Variants in CCNB2 observed in about 807,000 individuals in gnomAD.
The protein encoded by CCNB2 is cyclin B2, also known as G2/mitotic-specific cyclin-B2.
Under a neutral mutation model 51.1 loss-of-function variants are expected in CCNB2, and 39 were observed. That is an observed-to-expected ratio of 0.76 (90% CI 0.59 to 1.00). The LOEUF (loss-of-function observed/expected upper bound fraction) is 1.00. CCNB2 is among the 50% of genes least tolerant of loss of function. The pLI, the probability that CCNB2 is intolerant of heterozygous loss-of-function variation, is 0.00. For synonymous variants in CCNB2, 174 were observed against 165.5 expected, an observed-to-expected ratio of 1.05 and a Z score of -0.40; for missense variants, 472 against 470.3, an observed-to-expected ratio of 1.00 and a Z score of -0.03.
chr15:59,119,642 A>G (rs1218222488), intron 7 of CCNB2, among the ~76,000 whole-genome samples: 3 of 152,180 alleles, frequency 2.0e-5, no homozygotes, highest in Non-Finnish European at 4.4e-5. Flanking sequence ...GTATTGTAGG[A>G]TAAAACAAAT....
At chr15:59,115,769 T>TGCC (rs1413365531) in intron 5 of CCNB2, 1 of 152,206 alleles carries the variant, frequency 6.6e-6, no homozygotes, top group Admixed American at 6.5e-5. Context: ...ATTCTGTTGT[T>TGCC]GCCCACGCTG....
chr15:59,109,046 G>A (rs961883138), intron 3 of CCNB2, among the ~76,000 whole-genome samples: 8 of 152,122 alleles, frequency 5.3e-5, no homozygotes, highest in African/African-American at 1.4e-4. Flanking sequence ...CGATTTGGCA[G>A]TATATGTATA....
chr15:59,109,870 C>T (rs1439644727), intron 3 of CCNB2, among the ~76,000 whole-genome samples: 43 of 152,210 alleles, frequency 2.8e-4, no homozygotes, highest in African/African-American at 1.0e-3. Flanking sequence ...CCTGTAGTCC[C>T]AGCTACTTGG....
At position 59,116,740 on chromosome 15, in the gene CCNB2, G is replaced by A; in HGVS notation, c.648G>A (p.Leu216=). Residue 216 remains leucine (L), a synonymous_variant, in exon 6 of 9, where the codon CTG becomes CTA. Coordinates refer to ENST00000288207, the MANE Select transcript of CCNB2 (RefSeq NM_004701.4). ...TTCAATTAGTTGGGATTACTGCTCTGCTCTTGGCTTCCAAGTATGAGGAGA... is the reference window on the plus strand; with the variant it reads ...TTCAATTAGTTGGGATTACTGCTCTACTCTTGGCTTCCAAGTATGAGGAGA... ...KKLQLVGITA[L]LLASKYEEMF... The A allele has an allele frequency of 6.2e-7, 1 of 1,613,032 alleles. No homozygotes were observed. Among genetic ancestry groups the A allele is most frequent in the Non-Finnish European group, 8.5e-7 (1 of 1,180,014 alleles).
In CCNB2 at chr15:59,117,190, A is replaced by G. The variant is rs368038064; in HGVS notation, c.835-38A>G. The stretch of plus-strand genomic sequence containing the variant: ...CAGAATTTTGCAAGACAGTAATTAC[A>G]CTTGTGATTCTTACTATCCCTTGCT... On this transcript the variant is annotated intron_variant, in intron 6 of 8. Coordinates refer to ENST00000288207, the MANE Select transcript of CCNB2 (RefSeq NM_004701.4). 13 of 1,598,990 alleles carry G rather than the reference A, an allele frequency of 8.1e-6. No homozygotes were observed. In the African/African-American group the frequency reaches 1.7e-4, roughly 21 times the overall value.
intron 7 of CCNB2, among the ~76,000 whole-genome samples, chr15:59,118,624 C>T (rs539085188): frequency 6.6e-6 from 1 of 152,346 alleles, no homozygotes; most frequent in East Asian, 1.9e-4. Flanking sequence ...ACAAAAGTTG[C>T]TTTGAGCCAA....
At chr15:59,105,992 C>G (rs1206178690) in intron 1 of CCNB2, among the ~76,000 whole-genome samples, 1 of 152,170 alleles carries the variant, frequency 6.6e-6, no homozygotes, top group Non-Finnish European at 1.5e-5. Context: ...TTGCAGAGAT[C>G]AAAGTGTTAT....
chr15:59,122,542 T>C (rs2079307506), intron 7 of CCNB2, among the ~76,000 whole-genome samples: 1 of 149,442 alleles, frequency 6.7e-6, no homozygotes, highest in African/African-American at 2.5e-5. Context: ...TTTTTCTTTT[T>C]TTTTCTTTTT....
intron 5 of CCNB2, among the ~76,000 whole-genome samples, chr15:59,115,181 C>T (rs2079274012): frequency 6.6e-6 from 1 of 152,086 alleles, no homozygotes; most frequent in African/African-American, 2.4e-5. Flanking sequence ...CCATCTGAAG[C>T]CTGTAGTGCC....
chr15:59,123,547 A>G lies in CCNB2; in HGVS notation c.1006A>G (p.Thr336Ala). 6 of 1,613,174 alleles carry G rather than the reference A, an allele frequency of 3.7e-6. No individual in the cohort carries two copies. The highest frequency in any genetic ancestry group is 5.1e-6 in the Non-Finnish European group (6 of 1,179,148). ...AAAGCAGCAGTATTACACAGGATAC[A>G]CAGAGAATGAAGTATTGGAAGTCAT... ...NLKQQYYTGY[T>A]ENEVLEVMQH... Residue 336 changes from threonine to alanine, a missense_variant, in exon 8 of 9, where the codon ACA becomes GCA. Physicochemically the swap from Thr to Ala is moderately conservative, Grantham distance 58. Transcript: ENST00000288207.
In CCNB2 at chr15:59,124,863, A is replaced by G; in HGVS notation, c.1183A>G (p.Ile395Val). 6.3e-7 allele frequency: 1 copy of G among 1,594,142 alleles called. No homozygotes were observed. Among genetic ancestry groups the G allele is most frequent in the Non-Finnish European group, 8.5e-7 (1 of 1,170,256 alleles). The change falls in exon 9 of 9, where the codon ATA becomes GTA. Residue 395 changes from isoleucine (I) to valine (V), a missense_variant. Transcript: ENST00000288207. Reference protein sequence around the residue: ...KAVKDLASPLIGRS With the variant: ...KAVKDLASPLVGRS ...CGTCAAAGACCTTGCCTCCCCACTG[A>G]TAGGAAGGTCCTAGGCTGCCGTGGC...
Position 59,114,525 on chromosome 15 carries a change from A to G in CCNB2, c.349A>G (p.Ile117Val). The G allele has an allele frequency of 6.2e-7, 1 of 1,613,972 alleles. No individual in the cohort carries two copies. Among genetic ancestry groups the G allele is most frequent in the Admixed American group, 1.7e-5 (1 of 59,982 alleles). The change falls in exon 4 of 9, where the codon ATC becomes GTC. Residue 117 changes from isoleucine to valine, a missense_variant. By Grantham distance (29) the Ile-to-Val change is conservative. Transcript: ENST00000288207. ...QAFSDALLCK[I>V]EDIDNEDWEN... ...TTTTTCTGATGCCTTGCTCTGCAAA[A>G]TCGAGGACATTGATAACGAAGATTG...
intron 8 of CCNB2, 128 bp downstream of exon 8, chr15:59,123,755 AATCCTTT>A (rs1406981618): frequency 9.3e-6 from 6 of 646,564 alleles, no homozygotes; most frequent in African/African-American, 5.5e-5. Context: ...TTTTAGCACA[AATCCTTT>A]ATCCTTTATA....
At chr15:59,113,466 G>A (rs2079266191) in intron 3 of CCNB2, among the ~76,000 whole-genome samples, 1 of 152,108 alleles carries the variant, frequency 6.6e-6, no homozygotes, top group South Asian at 2.1e-4. Flanking sequence ...AGCTTTTAGA[G>A]CTTACATTCT....
rs766450641 is a variant in CCNB2 at position 59,114,718 on chromosome 15, G to A, written c.439G>A (p.Val147Ile). 10 of 1,606,988 alleles carry A rather than the reference G, an allele frequency of 6.2e-6. No individual in the cohort carries two copies. The South Asian group carries it at 1.1e-4, about 18-fold the overall frequency. ...DIYQYLRQLE[V>I]LQSINPHFLD... The stretch of plus-strand genomic sequence containing the variant: ...TTTAAACTTTTGATTCTACCCACAG[G>A]TTTTGCAGTCCATAAACCCACATTT... Residue 147 changes from valine (V) to isoleucine (I), a missense_variant and splice_region_variant, in exon 5 of 9, where the codon GTT (valine) becomes ATT (isoleucine). Coordinates refer to ENST00000288207, the MANE Select transcript of CCNB2 (RefSeq NM_004701.4).
Position 59,114,480 on chromosome 15 carries a change from G to A in CCNB2, c.304G>A (p.Glu102Lys), listed in dbSNP as rs1457847652. 1 of 1,612,416 alleles carries A rather than the reference G, an allele frequency of 6.2e-7. No individual in the cohort carries two copies. Among genetic ancestry groups the A allele is most frequent in the East Asian group, 2.2e-5 (1 of 44,882 alleles). ...CACACCTGAGGATGTCTCCATGAAG[G>A]AAGAGAATCTCTGCCAAGCTTTTTC... ...SPTPEDVSMK[E>K]ENLCQAFSDA... The change falls in exon 4 of 9, where the codon GAA (glutamate) becomes AAA (lysine). Residue 102 changes from glutamate to lysine, a missense_variant. Physicochemically the swap from Glu to Lys is moderately conservative, Grantham distance 56 (BLOSUM62 1). Coordinates refer to ENST00000288207, the MANE Select transcript of CCNB2 (RefSeq NM_004701.4).
chr15:59,107,509 C>A (rs921961093), intron 2 of CCNB2, 48 bp from the exon 3 acceptor site: 3 of 1,613,290 alleles, frequency 1.9e-6, no homozygotes, highest in Non-Finnish European at 2.5e-6. Context: ...GTGCTGAGTC[C>A]CACAACGCTG....
intron 3 of CCNB2, among the ~76,000 whole-genome samples, chr15:59,111,858 T>TA (rs2079258601): frequency 8.1e-6 from 1 of 123,294 alleles, no homozygotes; most frequent in African/African-American, 4.2e-5. Context: ...CTTTCTTTCT[T>TA]TTTTTTTTTT....
At position 59,122,335 on chromosome 15, in the gene CCNB2, G is replaced by T. The variant is rs1479400199; in HGVS notation, c.976-1182G>T. Among the ~76,000 whole-genome samples the T allele has an allele frequency of 3.1e-5, 4 of 130,792 alleles. No individual in the cohort carries two copies. The Admixed American group carries it at 3.8e-4, about 12-fold the overall frequency. 85.8% of individuals were successfully genotyped at this position (130,792 alleles called of 152,430 possible). A position where few individuals can be genotyped will look rare whatever the true frequency, so the allele number is the denominator to read the frequency against. ...GCGATCTCAGCTCACTGCAGCCTCT[G>T]CCTCCCGGGTTCCAGCGATTCTCCT... On this transcript the variant is annotated intron_variant, in intron 7 of 8. Transcript: ENST00000288207.
Sources: gnomAD v4.1 joint callset for allele counts (sites outside exome capture counted in the v4.1 genomes callset) on GRCh38, gnomAD v4.1.1 for gene constraint, MANE v1.5 for transcripts, NCBI Gene and HGNC (gene_info 2026-07-23, HGNC 2026-07-21) for gene names.